DLGAP1: variants seen among roughly 807,000 people sequenced by gnomAD.
The protein encoded by DLGAP1 is DLG associated protein 1.
DLGAP1 carries 11 observed loss-of-function variants against 90.8 expected under a neutral mutation model. That is an observed-to-expected ratio of 0.12 (90% CI 0.08 to 0.20). The LOEUF is 0.20. DLGAP1 is among the 10% of genes least tolerant of loss of function. The pLI is 1.00. For synonymous variants in DLGAP1, 558 were observed against 540.7 expected (o/e 1.03, Z -0.44); for missense variants, 1,050 against 1,333.8 (o/e 0.79, Z 3.31).
At chr18:3,818,063 T>C (rs2067192260) in intron 4 of DLGAP1, among the ~76,000 whole-genome samples, 1 of 152,040 alleles carries the variant, frequency 6.6e-6, no homozygotes, top group Non-Finnish European at 1.5e-5. Context: ...CAAATAATAA[T>C]AAAAGCAAAC....
In DLGAP1 at chr18:4,401,612, G is replaced by A. The variant is rs373952221; in HGVS notation, c.-267+53394C>T. On this transcript the variant is annotated intron_variant, in intron 1 of 12. Transcript: ENST00000315677. ...AAAGCATAATCCCGTTGATCATAGG[G>A]AAGTTGATCCACTTCCCTATGATTA... Among the ~76,000 whole-genome samples, 4 of 152,256 alleles carry A rather than the reference G, an allele frequency of 2.6e-5. No individual in the cohort carries two copies. The East Asian group carries it at 5.8e-4, about 22-fold the overall frequency.
chr18:3,775,375 T>C lies in DLGAP1; in HGVS notation c.1173-32863A>G, dbSNP rs900656350. ...GAATCATGGGGGCAGACTTCCCTCTTGCTGTTCTCTTGATAGAGTTCTCAA... is the reference window on the plus strand; with the variant it reads ...GAATCATGGGGGCAGACTTCCCTCTCGCTGTTCTCTTGATAGAGTTCTCAA... On this transcript the variant is annotated intron_variant, in intron 5 of 12. Coordinates refer to ENST00000315677, the MANE Select transcript of DLGAP1 (RefSeq NM_004746.4). This position sits in a 1 kb window ranked among gnomAD's most constrained non-coding sequence, Gnocchi z 4.9. Among the ~76,000 whole-genome samples, 3 of 152,176 alleles carry C rather than the reference T, an allele frequency of 2.0e-5. No individual in the cohort carries two copies. The highest frequency in any genetic ancestry group is 7.2e-5 in the African/African-American group (3 of 41,428).
intron 7 of DLGAP1, among the ~76,000 whole-genome samples, chr18:3,672,862 C>G (rs1284472005): frequency 6.6e-6 from 1 of 152,132 alleles, no homozygotes; most frequent in Non-Finnish European, 1.5e-5. Flanking sequence ...TGGCCACCTC[C>G]CCTGGTGGAT....
chr18:4,089,110 G>C (rs1375970112), intron 2 of DLGAP1, among the ~76,000 whole-genome samples: 2 of 152,198 alleles, frequency 1.3e-5, no homozygotes, highest in East Asian at 1.9e-4. Flanking sequence ...AAAGTCTCAG[G>C]ATACAAAATC....
chr18:3,804,150 A>G (rs2066456673), intron 5 of DLGAP1, among the ~76,000 whole-genome samples: 2 of 151,642 alleles, frequency 1.3e-5, no homozygotes, highest in Non-Finnish European at 2.9e-5. Context: ...ACACCCAGCT[A>G]ATGTTTGTAT....
chr18:4,015,550 G>A (rs2074507849), intron 2 of DLGAP1, among the ~76,000 whole-genome samples: 1 of 152,122 alleles, frequency 6.6e-6, no homozygotes, highest in African/African-American at 2.4e-5. Flanking sequence ...ATTATATCCT[G>A]TTTGCTTTTA....
intron 7 of DLGAP1, among the ~76,000 whole-genome samples, chr18:3,692,219 T>TA (rs1297127828): frequency 1.3e-5 from 2 of 152,314 alleles, no homozygotes; most frequent in African/African-American, 4.8e-5. Context: ...GATCAAAGGT[T>TA]AAGTGCCTCT....
At chr18:3,700,771 G>A (rs342501) in intron 7 of DLGAP1, among the ~76,000 whole-genome samples, 28,240 of 151,626 alleles carry the variant, frequency 0.19, 2,882 homozygotes, top group South Asian at 0.26. Flanking sequence ...CACCACGCCC[G>A]GCTAATTTTT....
At chr18:4,087,622 A>G (rs34462727) in intron 2 of DLGAP1, among the ~76,000 whole-genome samples, 39,579 of 151,478 alleles carry the variant, frequency 0.26, 5,444 homozygotes, top group Middle Eastern at 0.32. Flanking sequence ...CCACTCCACA[A>G]CTCTATATTT....
chr18:4,135,638 ACTCT>A (rs1246520649), intron 2 of DLGAP1, among the ~76,000 whole-genome samples: 3 of 151,792 alleles, frequency 2.0e-5, no homozygotes, highest in Non-Finnish European at 4.4e-5. Context: ...CCATTGTTCT[ACTCT>A]CTATCTCCAT....
At chr18:4,253,099 T>A (rs889132997) in intron 1 of DLGAP1, among the ~76,000 whole-genome samples, 2 of 152,156 alleles carry the variant, frequency 1.3e-5, no homozygotes, top group African/African-American at 4.8e-5. Flanking sequence ...ACTCACCAAC[T>A]CTCTCTGCTT....
chr18:4,004,756 C>A (rs1303927065), intron 3 of DLGAP1, among the ~76,000 whole-genome samples: 1 of 152,094 alleles, frequency 6.6e-6, no homozygotes, highest in Non-Finnish European at 1.5e-5. Context: ...TAAGAGGTTA[C>A]AATGTTAGTG....
chr18:4,274,595 A>T (rs1451999388), intron 1 of DLGAP1, among the ~76,000 whole-genome samples: 1 of 152,182 alleles, frequency 6.6e-6, no homozygotes, highest in Non-Finnish European at 1.5e-5. Context: ...GGCTATGTTT[A>T]CTCAAATGTC....
At chr18:3,513,521 G>A (rs2050661827) in intron 10 of DLGAP1, among the ~76,000 whole-genome samples, 1 of 152,220 alleles carries the variant, frequency 6.6e-6, no homozygotes. Context: ...GTCAGTGGGA[G>A]AGTTGGAAGA....
At chr18:4,200,637 TTAC>T (rs1225954466) in intron 1 of DLGAP1, among the ~76,000 whole-genome samples, 1 of 151,882 alleles carries the variant, frequency 6.6e-6, no homozygotes, top group Non-Finnish European at 1.5e-5. Context: ...TTAAAATTTT[TTAC>T]TACAATGGCC....
intron 1 of DLGAP1, among the ~76,000 whole-genome samples, chr18:4,318,797 T>G (rs1026975340): frequency 8.5e-5 from 13 of 152,200 alleles, no homozygotes; most frequent in African/African-American, 3.1e-4. Context: ...GGTACTGAAG[T>G]TGTCATATGT....
intron 1 of DLGAP1, among the ~76,000 whole-genome samples, chr18:4,305,185 G>A (rs140618699): frequency 8.5e-5 from 13 of 152,174 alleles, no homozygotes; most frequent in Non-Finnish European, 1.5e-4. Context: ...TGAAGGAAGA[G>A]TAGGGATGTG....
At chr18:3,937,897 C>T (rs1347504392) in intron 3 of DLGAP1, among the ~76,000 whole-genome samples, 6 of 152,154 alleles carry the variant, frequency 3.9e-5, no homozygotes, top group African/African-American at 1.2e-4. Flanking sequence ...TGTAAGCGAG[C>T]TCTTTAGACC....
intron 10 of DLGAP1, among the ~76,000 whole-genome samples, chr18:3,509,599 ACTT>A (rs2050427186): frequency 6.6e-6 from 1 of 152,202 alleles, no homozygotes; most frequent in Non-Finnish European, 1.5e-5. Context: ...GAGCAGGAGA[ACTT>A]CTCACAAGAG....
Sources: allele counts gnomAD v4.1 joint callset (sites outside exome capture counted in the v4.1 genomes callset), GRCh38; gene constraint gnomAD v4.1.1; non-coding constraint Gnocchi (gnomAD v3.1); transcripts MANE v1.5; gene names NCBI Gene and HGNC (gene_info 2026-07-23, HGNC 2026-07-21).